The following REL variants were observed in gnomAD, a reference collection of about 807,000 sequenced individuals.
REL encodes proto-oncogene c-Rel.
In REL, 15 loss-of-function variants were observed where a neutral mutation model predicts 45.9. The ratio of observed to expected loss-of-function variants is 0.33; its 90% CI spans 0.22 to 0.50. The LOEUF is 0.50. REL is among the 20% of genes least tolerant of loss of function. REL has a pLI of 0.98. For missense variants in REL, 601 were observed against 715.2 expected, an observed-to-expected ratio of 0.84 and a Z score of 1.82; for synonymous variants, 239 against 242.1, an observed-to-expected ratio of 0.99 and a Z score of 0.12.
chr2:60,891,940 C>A (rs1474069765), intron 2 of REL, 115 bp downstream of exon 2: 14 of 1,015,010 alleles, frequency 1.4e-5, no homozygotes, highest in Non-Finnish European at 1.9e-5. Context: ...TTATCTTTTT[C>A]TTTTTTCCTT....
At position 60,926,734 on chromosome 2, in the gene REL, C is replaced by A. The variant is rs1674277946; in HGVS notation, c.*4199C>A. 2 of 227,694 alleles carry A rather than the reference C, an allele frequency of 8.8e-6. No homozygotes were observed. Among genetic ancestry groups the A allele is most frequent in the Non-Finnish European group, 1.7e-5 (2 of 114,540 alleles). 14.1% of individuals were successfully genotyped at this position (227,694 alleles called of 1,614,324 possible). On this transcript the variant is annotated 3_prime_UTR_variant, in exon 10 of 10. Coordinates refer to ENST00000394479, the MANE Select transcript of REL (RefSeq NM_001291746.2). ...CGCCACCCAAGATACTTACTAGGAA[C>A]CTCAAAGTATTGTATTCTTTTTCTC... is the stretch of plus-strand genomic sequence containing the variant.
chr2:60,907,702 T>C (rs919587597), intron 4 of REL, among the ~76,000 whole-genome samples: 1 of 151,902 alleles, frequency 6.6e-6, no homozygotes, highest in African/African-American at 2.4e-5. Context: ...CTTTTCTTTT[T>C]TTTTTTTTTA....
rs780030993 is a variant in REL, at chr2:60,921,768, A to G, written c.997A>G (p.Asn333Asp). 5 of 1,591,570 alleles carry G rather than the reference A, an allele frequency of 3.1e-6. No homozygotes were observed. The East Asian group carries it at 1.1e-4, about 36-fold the overall frequency. Residue 333 changes from asparagine to aspartate, a missense_variant, in exon 10 of 10, where the codon AAC becomes GAC. Coordinates refer to ENST00000394479, the MANE Select transcript of REL (RefSeq NM_001291746.2). ...ATAAATTTTTCCTCCCACAGAACCA[A>G]ACTTGTTTTCTCATGATGCAGTTGT... ...GEGRYFKKEP[N>D]LFSHDAVVRE...
chr2:60,914,539 A>T (rs1180295119), intron 4 of REL, among the ~76,000 whole-genome samples: 1 of 152,186 alleles, frequency 6.6e-6, no homozygotes, highest in Non-Finnish European at 1.5e-5. Flanking sequence ...ATTTAAAATA[A>T]ACTTTTATTG....
At chr2:60,895,426 C>G (rs913214862) in intron 3 of REL, among the ~76,000 whole-genome samples, 3 of 152,084 alleles carry the variant, frequency 2.0e-5, no homozygotes, top group Non-Finnish European at 4.4e-5. Context: ...GGCAGTCTGT[C>G]CACCTTGGCC....
At chr2:60,915,083 G>T (rs991880694) in intron 4 of REL, among the ~76,000 whole-genome samples, 10 of 151,224 alleles carry the variant, frequency 6.6e-5, no homozygotes, top group Admixed American at 2.6e-4. Flanking sequence ...CACCCACCTC[G>T]GCCTCCCAAA....
In REL at chr2:60,893,554, T is replaced by C. The variant is rs1011324315; in HGVS notation, c.154-843T>C. On this transcript the variant is annotated intron_variant, in intron 2 of 9. Transcript: ENST00000394479. ...CCATTCCAGTAGGTCCTAAACACTT[T>C]ACAGCTTGAGTTTTGTATTTGCCTA... Among the ~76,000 whole-genome samples the C allele has an allele frequency of 2.0e-5, 3 of 152,252 alleles. No homozygotes were observed. The South Asian group carries it at 6.2e-4, about 31-fold the overall frequency.
chr2:60,926,431 CT>C lies in REL; in HGVS notation c.*3903del. On this transcript the variant is annotated 3_prime_UTR_variant, in exon 10 of 10. Coordinates refer to ENST00000394479, the MANE Select transcript of REL (RefSeq NM_001291746.2). Reference sequence around the variant, plus strand: ...CTGCCCGCCTTGTCAAATCTAGTGTCTTTTTTTCAGTCCTCACACTGCTTGA... The same window carrying C: ...CTGCCCGCCTTGTCAAATCTAGTGTCTTTTTTCAGTCCTCACACTGCTTGA... The C allele has an allele frequency of 4.3e-6, 1 of 232,072 alleles. No individual in the cohort carries two copies. Among genetic ancestry groups the C allele is most frequent in the Admixed American group, 5.6e-5 (1 of 17,742 alleles). 14.4% of individuals were successfully genotyped at this position (232,072 alleles called of 1,614,324 possible). A position where few individuals can be genotyped will look rare whatever the true frequency, so the allele number is the denominator to read the frequency against.
At chr2:60,903,429 A>C (rs1673552576) in intron 4 of REL, among the ~76,000 whole-genome samples, 1 of 152,158 alleles carries the variant, frequency 6.6e-6, no homozygotes, top group African/African-American at 2.4e-5. Context: ...GCTGGAGTGC[A>C]GTGATGTGAT....
chr2:60,897,349 C>T (rs1263940542), intron 3 of REL, among the ~76,000 whole-genome samples: 1 of 150,928 alleles, frequency 6.6e-6, no homozygotes, highest in East Asian at 1.9e-4. Context: ...GCTCTGTTGC[C>T]CAGGCTGGAG....
rs1329306269 is a variant in REL, at chr2:60,927,201, T to G, written c.*4666T>G. The G allele has an allele frequency of 7.9e-5, 18 of 226,704 alleles. No individual in the cohort carries two copies. The East Asian group carries it at 1.1e-3, about 14-fold the overall frequency. The allele number at this position is 226,704 out of a possible 1,614,324, so 14.0% of individuals were successfully genotyped here. A position where few individuals can be genotyped will look rare whatever the true frequency, so the allele number is the denominator to read the frequency against. ...ATACTAGTTGGTGCTGAATAAATAGTAGCTATTATTAGAAAAGGAAGGGTG... is the reference window on the plus strand; with the variant it reads ...ATACTAGTTGGTGCTGAATAAATAGGAGCTATTATTAGAAAAGGAAGGGTG... On this transcript the variant is annotated 3_prime_UTR_variant, in exon 10 of 10. Coordinates refer to ENST00000394479, the MANE Select transcript of REL (RefSeq NM_001291746.2).
At chr2:60,920,924 A>C (rs374348563) in intron 9 of REL, among the ~76,000 whole-genome samples, 268 of 152,240 alleles carry the variant, frequency 1.8e-3, no homozygotes, top group African/African-American at 6.4e-3. Context: ...TGATTTGGTT[A>C]GTTACCTGTT....
At chr2:60,896,944 A>T (rs966562935) in intron 3 of REL, among the ~76,000 whole-genome samples, 3 of 152,226 alleles carry the variant, frequency 2.0e-5, no homozygotes, top group African/African-American at 7.2e-5. Flanking sequence ...TAATATTTTC[A>T]TGTTAACATG....
chr2:60,889,983 A>T (rs556309152), intron 1 of REL, among the ~76,000 whole-genome samples: 1 of 152,150 alleles, frequency 6.6e-6, no homozygotes, highest in South Asian at 2.1e-4. Context: ...ATGGCTGGGT[A>T]AAATGGTATT....
intron 3 of REL, among the ~76,000 whole-genome samples, chr2:60,895,388 C>T (rs1245317381): frequency 2.6e-5 from 4 of 151,698 alleles, no homozygotes; most frequent in East Asian, 1.9e-4. Context: ...TGCTTGTTGC[C>T]GAGGGTGGTC....
chr2:60,894,300 A>G (rs545280453), intron 2 of REL, 97 bp from the exon 3 acceptor site: 370 of 720,748 alleles, frequency 5.1e-4, no homozygotes, highest in Non-Finnish European at 4.0e-4. Flanking sequence ...TCTAGTGCCA[A>G]TTACATTATA....
intron 1 of REL, among the ~76,000 whole-genome samples, chr2:60,889,656 T>A (rs1056110647): frequency 6.6e-6 from 1 of 150,754 alleles, no homozygotes; most frequent in African/African-American, 2.4e-5. Flanking sequence ...GATGTTCCCC[T>A]TCCTGTGTCC....
intron 9 of REL, 67 bp from the exon 10 acceptor site, chr2:60,921,696 T>C (rs565644322): frequency 1.4e-6 from 2 of 1,394,252 alleles, no homozygotes; most frequent in African/African-American, 2.9e-5. Flanking sequence ...TATGCAATTT[T>C]AATTTAGAAA....
rs1168539686 is a variant in REL at position 60,924,596 on chromosome 2, C to CT, written c.*2069dup. 11 of 213,854 alleles carry CT rather than the reference C, an allele frequency of 5.1e-5. No homozygotes were observed. The highest frequency in any genetic ancestry group is 9.4e-5 in the Non-Finnish European group (10 of 105,970). 13.2% of individuals were successfully genotyped at this position (213,854 alleles called of 1,614,324 possible). A position where few individuals can be genotyped will look rare whatever the true frequency, so the allele number is the denominator to read the frequency against. Reference sequence around the variant, plus strand: ...AAAATGATGGTAGAATTTGGGTAATCTTTTTTTTCCTTTTATGAAAAGAGA... The same window carrying CT: ...AAAATGATGGTAGAATTTGGGTAATCTTTTTTTTTCCTTTTATGAAAAGAGA... On this transcript the variant is annotated 3_prime_UTR_variant, in exon 10 of 10. Transcript: ENST00000394479.
Sources: allele counts gnomAD v4.1 joint callset (sites outside exome capture counted in the v4.1 genomes callset), GRCh38; gene constraint gnomAD v4.1.1; transcripts MANE v1.5; gene names NCBI Gene and HGNC (gene_info 2026-07-23, HGNC 2026-07-21).